Variants in EGFR observed in about 807,000 individuals in gnomAD.
EGFR encodes avian erythroblastic leukemia viral (v-erb-b) oncogene homolog.
A neutral mutation model predicts 143.0 loss-of-function variants in EGFR; 58 were observed. The ratio of observed to expected loss-of-function variants is 0.41; its 90% confidence interval spans 0.33 to 0.50. The LOEUF is 0.50. Among genes scored for constraint, EGFR ranks in the 20% least tolerant of loss-of-function variants. The pLI is 0.39. For missense variants in EGFR, 1,307 were observed against 1,579.0 expected (o/e 0.83, Z 2.92); for synonymous variants, 613 against 594.4 (o/e 1.03, Z -0.45).
At chr7:55,144,867 G>A (rs183341141) in intron 3 of EGFR, among the ~76,000 whole-genome samples, 125 of 152,188 alleles carry the variant, frequency 8.2e-4, no homozygotes, top group African/African-American at 2.7e-3. Flanking sequence ...TCTCTGTTTC[G>A]TCATCTTCAA....
At chr7:55,100,955 G>A (rs1194811425) in intron 1 of EGFR, among the ~76,000 whole-genome samples, 1 of 152,186 alleles carries the variant, frequency 6.6e-6, no homozygotes, top group Non-Finnish European at 1.5e-5. Context: ...TACCAGTGTC[G>A]GCGTCCCTGC....
At chr7:55,143,554 C>T (rs970984875) in intron 3 of EGFR, 66 bp downstream of exon 3, 20 of 1,570,042 alleles carry the variant, frequency 1.3e-5, no homozygotes, top group Non-Finnish European at 1.5e-5. Context: ...TGGCTCCCAG[C>T]GAGCTTGTCA....
intron 1 of EGFR, among the ~76,000 whole-genome samples, chr7:55,136,761 C>T (rs978595159): frequency 3.9e-5 from 6 of 152,222 alleles, no homozygotes; most frequent in South Asian, 4.1e-4. Context: ...CAGGCAATGG[C>T]TGGGAGCCAG....
intron 1 of EGFR, among the ~76,000 whole-genome samples, chr7:55,036,211 A>G (rs559142715): frequency 7.8e-6 from 1 of 127,714 alleles, no homozygotes; most frequent in East Asian, 2.4e-4. Flanking sequence ...TTTTGGATTA[A>G]CTTACATGAG....
At chr7:55,037,343 C>T (rs1048020275) in intron 1 of EGFR, among the ~76,000 whole-genome samples, 8 of 152,166 alleles carry the variant, frequency 5.3e-5, no homozygotes, top group African/African-American at 1.9e-4. Context: ...AATCCAGATC[C>T]CCATTCTTTC....
chr7:55,112,124 C>G (rs1792537019), intron 1 of EGFR, among the ~76,000 whole-genome samples: 1 of 152,210 alleles, frequency 6.6e-6, no homozygotes, highest in Non-Finnish European at 1.5e-5. Context: ...CAGCAAGGTC[C>G]CCCTACAGAG....
chr7:55,111,082 T>C (rs370470207), intron 1 of EGFR, among the ~76,000 whole-genome samples: 44 of 152,302 alleles, frequency 2.9e-4, no homozygotes, highest in Non-Finnish European at 5.7e-4. Context: ...GGATTTGGAA[T>C]CGCTGAATGC....
At chr7:55,132,089 G>C (rs910607209) in intron 1 of EGFR, among the ~76,000 whole-genome samples, 2 of 151,744 alleles carry the variant, frequency 1.3e-5, no homozygotes, top group Non-Finnish European at 2.9e-5. Flanking sequence ...GTAAACCAAT[G>C]TAAATGTGTG....
chr7:55,019,298 C>T lies in EGFR; in HGVS notation c.21C>T (p.Ala7=), dbSNP rs369581368. The change falls in exon 1 of 28, where the codon GCC becomes GCT. Residue 7 remains alanine, a synonymous_variant. Transcript: ENST00000275493. The part of the protein sequence containing the change: MRPSGT[A]GAALLALLAA... ...CAGCGATGCGACCCTCCGGGACGGC[C>T]GGGGCAGCGCTCCTGGCGCTGCTGG... 9 of 1,511,580 alleles carry T rather than the reference C, an allele frequency of 6.0e-6. No individual in the cohort carries two copies. Among genetic ancestry groups the T allele is most frequent in the South Asian group, 1.2e-5 (1 of 82,910 alleles). The allele number at this position is 1,511,580 out of a possible 1,614,324, so 93.6% of individuals were successfully genotyped here. A position where few individuals can be genotyped will look rare whatever the true frequency, so the allele number is the denominator to read the frequency against.
chr7:55,159,272 G>A (rs1785580876), intron 11 of EGFR, among the ~76,000 whole-genome samples: 3 of 152,230 alleles, frequency 2.0e-5, no homozygotes, highest in Admixed American at 6.5e-5. Flanking sequence ...TATACCCATC[G>A]TGGTTCAGGA....
intron 1 of EGFR, among the ~76,000 whole-genome samples, chr7:55,039,147 C>T (rs984934903): frequency 6.6e-6 from 1 of 152,214 alleles, no homozygotes; most frequent in Non-Finnish European, 1.5e-5. Context: ...AGATCCATCA[C>T]TTTAAGTGAA....
At chr7:55,054,613 C>T (rs1050440571) in intron 1 of EGFR, among the ~76,000 whole-genome samples, 4 of 152,246 alleles carry the variant, frequency 2.6e-5, no homozygotes, top group Admixed American at 2.0e-4. Flanking sequence ...TCATTAAACA[C>T]TGGCTGTGTC....
In EGFR at chr7:55,202,468, A is replaced by T. The variant is rs1222434174; in HGVS notation, c.3163-49A>T. 6.0e-6 allele frequency: 9 copies of T among 1,496,082 alleles called. No individual in the cohort carries two copies. In the East Asian group the frequency reaches 2.2e-4, roughly 36 times the overall value. 92.7% of individuals were successfully genotyped at this position (1,496,082 alleles called of 1,614,324 possible). On this transcript the variant is annotated intron_variant, in intron 26 of 27. Coordinates refer to ENST00000275493, the MANE Select transcript of EGFR (RefSeq NM_005228.5). ...CTCGGGTGATTTTTGCAAACACTGA[A>T]GTTGGGGCAGCCCTGACCGGAGTAA...
intron 25 of EGFR, 22 bp downstream of exon 25, chr7:55,201,377 C>T (rs1010833490): frequency 3.1e-6 from 5 of 1,614,092 alleles, no homozygotes; most frequent in Non-Finnish European, 4.2e-6. Context: ...CTGTCTCTCT[C>T]TCTCTCTCAA....
At chr7:55,140,656 T>C (rs1191259169) in intron 1 of EGFR, among the ~76,000 whole-genome samples, 1 of 152,178 alleles carries the variant, frequency 6.6e-6, no homozygotes, top group Non-Finnish European at 1.5e-5. Context: ...CCCATACTCC[T>C]GAGGAAAAGC....
chr7:55,030,853 G>T (rs1411792261), intron 1 of EGFR, among the ~76,000 whole-genome samples: 1 of 152,212 alleles, frequency 6.6e-6, no homozygotes, highest in African/African-American at 2.4e-5. Flanking sequence ...AGAAGAGATG[G>T]TTTCACACAT....
chr7:55,026,776 A>G (rs1347680773), intron 1 of EGFR, among the ~76,000 whole-genome samples: 4 of 152,034 alleles, frequency 2.6e-5, no homozygotes, highest in Admixed American at 1.3e-4. Flanking sequence ...AAACCAATAT[A>G]TACTCCTAGT....
intron 1 of EGFR, among the ~76,000 whole-genome samples, chr7:55,117,115 A>G (rs987958032): frequency 1.1e-4 from 16 of 152,256 alleles, no homozygotes; most frequent in African/African-American, 3.9e-4. Flanking sequence ...CACCAGCAGT[A>G]GAAAACATCT....
At chr7:55,113,356 A>G (rs1234236912) in intron 1 of EGFR, among the ~76,000 whole-genome samples, 1 of 152,196 alleles carries the variant, frequency 6.6e-6, no homozygotes, top group Non-Finnish European at 1.5e-5. Flanking sequence ...TAATCCCACA[A>G]AAATGTCCTA....
Sources: allele counts gnomAD v4.1 joint callset (sites outside exome capture counted in the v4.1 genomes callset), GRCh38; gene constraint gnomAD v4.1.1; transcripts MANE v1.5; gene names NCBI Gene and HGNC (gene_info 2026-07-23, HGNC 2026-07-21).